The following ABL2 variants were observed in gnomAD, a reference collection of about 807,000 sequenced individuals.
The protein encoded by ABL2 is tyrosine-protein kinase ABL2.
Under a neutral mutation model 107.7 loss-of-function variants are expected in ABL2, and 49 were observed. That is an observed-to-expected ratio of 0.45 (90% CI 0.36 to 0.58). The LOEUF (loss-of-function observed/expected upper bound fraction) is 0.58. ABL2 is among the 20% of genes least tolerant of loss of function. ABL2 has a pLI of 0.00. For synonymous variants in ABL2, 549 were observed against 548.6 expected (o/e 1.00, Z -0.01); for missense variants, 1,245 against 1,457.0 (o/e 0.85, Z 2.37).
chr1:179,156,923 AAATAAATAAAACT>A (rs1658730699), intron 1 of ABL2, among the ~76,000 whole-genome samples: 1 of 144,032 alleles, frequency 6.9e-6, no homozygotes, highest in African/African-American at 2.6e-5. Flanking sequence ...ATAAATAAAT[AAATAAATAAAACT>A]CTATTAAATT....
intron 1 of ABL2, 50 bp downstream of exon 1, chr1:179,229,191 C>CCCCCCCCCCCCCCCCCCCCCCCCCCCCCA: frequency 9.6e-7 from 1 of 1,042,276 alleles, no homozygotes; most frequent in Non-Finnish European, 1.3e-6. Context: ...CGCCCCGACC[C>CCCCCCCCCCCCCCCCCCCCCCCCCCCCCA]CACCCCCGGC....
Position 179,107,701 on chromosome 1 carries a change from C to CA in ABL2, c.*16dup, listed in dbSNP as rs1460036230. The stretch of plus-strand genomic sequence containing the variant: ...CCCCTCAGAAATGTGTGCATTTTCC[C>CA]ACCAGGCTAACAGTGGCTACCTCTG... On this transcript the variant is annotated 3_prime_UTR_variant, in exon 12 of 12. Transcript: ENST00000502732. The CA allele has an allele frequency of 3.8e-6, 6 of 1,570,980 alleles. No homozygotes were observed. Among genetic ancestry groups the CA allele is most frequent in the Non-Finnish European group, 3.5e-6 (4 of 1,157,066 alleles).
intron 1 of ABL2, among the ~76,000 whole-genome samples, chr1:179,228,131 A>AAGGC (rs1029559343): frequency 6.6e-6 from 1 of 151,542 alleles, no homozygotes; most frequent in Non-Finnish European, 1.5e-5. Context: ...TTGAGAGGCC[A>AAGGC]AGGCAGGCAG....
chr1:179,165,799 A>ATT (rs34798552), intron 1 of ABL2, among the ~76,000 whole-genome samples: 30 of 146,534 alleles, frequency 2.0e-4, no homozygotes, highest in Admixed American at 1.2e-3. Context: ...ACAAGACTTT[A>ATT]TTTTTTTTTT....
rs550872246 is a variant in ABL2, at chr1:179,126,509, A to G, written c.555T>C (p.Tyr185=). Residue 185 remains tyrosine, a synonymous_variant, in exon 4 of 12, where the codon TAT becomes TAC. Transcript: ENST00000502732. The surrounding 1 kb of genome is among the most constrained non-coding windows in gnomAD (Gnocchi z 4.4). ...HGPVSRSAAE[Y]LLSSLINGSF... ...TGCCATTGATTAGACTGCTGAGCAG[A>G]TACTCAGCTGCACTGCGTGACACAG... The G allele has an allele frequency of 6.2e-7, 1 of 1,614,176 alleles. No individual in the cohort carries two copies. The highest frequency in any genetic ancestry group is 1.1e-5 in the South Asian group (1 of 91,086).
Position 179,102,986 on chromosome 1 carries a change from A to C in ABL2, c.*4732T>G, listed in dbSNP as rs148754852. The C allele has an allele frequency of 4.4e-6, 1 of 225,430 alleles. No homozygotes were observed. Among genetic ancestry groups the C allele is most frequent in the Non-Finnish European group, 8.8e-6 (1 of 113,218 alleles). The allele number at this position is 225,430 out of a possible 1,614,324, so 14.0% of individuals were successfully genotyped here. On this transcript the variant is annotated 3_prime_UTR_variant, in exon 12 of 12. Transcript: ENST00000502732. Reference sequence around the variant, plus strand: ...AACTATGCAGGACATAGGTTAAAAAAGACACTGTCAACATCAACAGATAAC... The same window carrying C: ...AACTATGCAGGACATAGGTTAAAAACGACACTGTCAACATCAACAGATAAC...
chr1:179,121,446 G>T, intron 5 of ABL2, 149 bp downstream of exon 5: 1 of 1,041,246 alleles, frequency 9.6e-7, no homozygotes, highest in South Asian at 1.5e-5. Context: ...GTCAGCAATG[G>T]CACTAGGGTT....
intron 1 of ABL2, among the ~76,000 whole-genome samples, chr1:179,187,118 T>C (rs1571276953): frequency 2.0e-5 from 3 of 152,320 alleles, no homozygotes; most frequent in African/African-American, 7.2e-5. Flanking sequence ...TTTGTCTCTC[T>C]TATATGTGAT....
intron 3 of ABL2, among the ~76,000 whole-genome samples, chr1:179,130,942 T>C (rs1185914142): frequency 6.6e-6 from 1 of 151,480 alleles, no homozygotes; most frequent in African/African-American, 2.4e-5. Flanking sequence ...GATAATTTTT[T>C]TTTTTTTTTC....
rs776274519 is a variant in ABL2, at chr1:179,157,494, CA to C, written c.158-24121del. 3.5e-3 allele frequency among the ~76,000 whole-genome samples: 456 copies of C among 129,996 alleles called. 2 individuals carry two copies. Among genetic ancestry groups the C allele is most frequent in the African/African-American group, 0.011 (391 of 34,994 alleles). The allele number at this position is 129,996 out of a possible 152,430, so 85.3% of individuals were successfully genotyped here. ...ACTGGGTAACAGAGGGAGACTGTCT[CA>C]AAAAAAAAAAAACTTAGGAATACTG... On this transcript the variant is annotated intron_variant, in intron 1 of 11. Transcript: ENST00000502732.
intron 8 of ABL2, among the ~76,000 whole-genome samples, chr1:179,116,657 T>G (rs1049685873): frequency 4.6e-5 from 7 of 151,302 alleles, no homozygotes; most frequent in African/African-American, 1.7e-4. Context: ...ATTACAGGCA[T>G]GCATCACCAC....
At chr1:179,192,769 T>G (rs1661091223) in intron 1 of ABL2, among the ~76,000 whole-genome samples, 1 of 152,228 alleles carries the variant, frequency 6.6e-6, no homozygotes, top group Non-Finnish European at 1.5e-5. Context: ...TTATTCAAAG[T>G]ATGTTCTGAA....
At chr1:179,138,064 G>A (rs1657207733) in intron 1 of ABL2, 1 of 152,220 alleles carries the variant, frequency 6.6e-6, no homozygotes, top group Non-Finnish European at 1.5e-5. Context: ...TGCAACTTAA[G>A]ATTTCTTGTA....
chr1:179,183,343 AC>A (rs1408034958), intron 1 of ABL2, among the ~76,000 whole-genome samples: 1 of 152,184 alleles, frequency 6.6e-6, no homozygotes, highest in Non-Finnish European at 1.5e-5. Context: ...CTGTACTTGT[AC>A]CACTTAAATT....
chr1:179,181,443 T>C (rs1012011803), intron 1 of ABL2, among the ~76,000 whole-genome samples: 2 of 152,050 alleles, frequency 1.3e-5, no homozygotes, highest in Non-Finnish European at 2.9e-5. Context: ...GGGATCTGAG[T>C]CCTAAATAAC....
In ABL2 at chr1:179,113,242, C is replaced by T. The variant is rs16853683; in HGVS notation, c.1562-844G>A. On this transcript the variant is annotated intron_variant, in intron 9 of 11. Coordinates refer to ENST00000502732, the MANE Select transcript of ABL2 (RefSeq NM_007314.4). ...AACCCACTTTCTAAGGCTGGTGCTT[C>T]GATTTAGCCTCAGCTCCTATTCCCT... Among the ~76,000 whole-genome samples the T allele has an allele frequency of 7.9e-3, 1,196 of 152,140 alleles. 13 individuals carry two copies. Among genetic ancestry groups the T allele is most frequent in the African/African-American group, 0.027 (1,140 of 41,492 alleles).
At position 179,126,616 on chromosome 1, in the gene ABL2, A is replaced by G; in HGVS notation, c.448T>C (p.Ser150Pro). 1 of 1,614,152 alleles carries G rather than the reference A, an allele frequency of 6.2e-7. No homozygotes were observed. Among genetic ancestry groups the G allele is most frequent in the Non-Finnish European group, 8.5e-7 (1 of 1,180,022 alleles). ...GGCACCCAGCCCTGCCCATTCTTAG[A>G]GCGAACTTCACTCCACTCACCATTC... ...NQNGEWSEVR[S>P]KNGQGWVPSN... Residue 150 changes from serine to proline, a missense_variant, in exon 4 of 12, where the codon TCT becomes CCT. Coordinates refer to ENST00000502732, the MANE Select transcript of ABL2 (RefSeq NM_007314.4). This position sits in a 1 kb window ranked among gnomAD's most constrained non-coding sequence, Gnocchi z 4.4.
chr1:179,226,515 C>T (rs1305633933), intron 1 of ABL2, among the ~76,000 whole-genome samples: 2 of 151,874 alleles, frequency 1.3e-5, no homozygotes, highest in Admixed American at 1.3e-4. Context: ...CACCATGTTG[C>T]TCAGGCTGGT....
rs1436852432 is a variant in ABL2 at position 179,104,091 on chromosome 1, T to C, written c.*3627A>G. The C allele has an allele frequency of 4.3e-6, 1 of 232,724 alleles. No homozygotes were observed. The highest frequency in any genetic ancestry group is 6.0e-5 in the East Asian group (1 of 16,556). 14.4% of individuals were successfully genotyped at this position (232,724 alleles called of 1,614,324 possible). On this transcript the variant is annotated 3_prime_UTR_variant, in exon 12 of 12. Transcript: ENST00000502732. ...TAACCCTAGGGGATTCTGCTGTGCA[T>C]CCCTAGACTAGGTGTTAATAATAGT...
Sources: allele counts gnomAD v4.1 joint callset (sites outside exome capture counted in the v4.1 genomes callset), GRCh38; gene constraint gnomAD v4.1.1; non-coding constraint Gnocchi (gnomAD v3.1); transcripts MANE v1.5; gene names NCBI Gene and HGNC (gene_info 2026-07-23, HGNC 2026-07-21).